The following MICAL1 variants were observed in gnomAD, a reference collection of about 807,000 sequenced individuals.
The protein encoded by MICAL1 is microtubule associated monooxygenase, calponin and LIM domain containing 1, also known as [F-actin]-monooxygenase MICAL1.
Under a neutral mutation model 131.8 loss-of-function variants are expected in MICAL1, and 95 were observed. The ratio of observed to expected loss-of-function variants is 0.72; its 90% CI spans 0.61 to 0.86. The LOEUF (loss-of-function observed/expected upper bound fraction) is 0.86, where lower values mean the gene tolerates loss of function less well. MICAL1 is among the 40% of genes least tolerant of loss of function. The pLI is 0.00. For missense variants in MICAL1, 1,292 were observed against 1,380.6 expected, an observed-to-expected ratio of 0.94 and a Z score of 1.02; for synonymous variants, 546 against 554.2, an observed-to-expected ratio of 0.99 and a Z score of 0.21.
chr6:109,451,934 ACCTGCACCACCT>A, intron 6 of MICAL1: 1 of 1,390,358 alleles, frequency 7.2e-7, no homozygotes, highest in Non-Finnish European at 9.3e-7. Flanking sequence ...CATTTGGGAG[ACCTGCACCACCT>A]GGTCGCATGG....
chr6:109,449,837 A>G, intron 9 of MICAL1, 54 bp from the exon 10 acceptor site: 1 of 1,587,180 alleles, frequency 6.3e-7, no homozygotes, highest in Non-Finnish European at 8.6e-7. Context: ...ACCTGTCAGC[A>G]CCCACCTCTC....
In MICAL1 at chr6:109,455,720, G is replaced by C. The variant is rs1045026939; in HGVS notation, c.-45C>G. Reference sequence around the variant, plus strand: ...AGCCGGCTCCGCTGGACGACTTACCGGCGGCTCCGAAGCCGGGAGGGGCCG... The same window carrying C: ...AGCCGGCTCCGCTGGACGACTTACCCGCGGCTCCGAAGCCGGGAGGGGCCG... On this transcript the variant is annotated splice_region_variant and 5_prime_UTR_variant, in exon 1 of 25. Coordinates refer to ENST00000358807, the MANE Select transcript of MICAL1 (RefSeq NM_022765.4). The surrounding 1 kb of genome is among the most constrained non-coding windows in gnomAD (Gnocchi z 4.7). 8.1e-6 allele frequency: 8 copies of C among 983,980 alleles called. No individual in the cohort carries two copies. In the Admixed American group the frequency reaches 1.9e-4, roughly 23 times the overall value. The allele number at this position is 983,980 out of a possible 1,614,324, so 61.0% of individuals were successfully genotyped here.
In MICAL1 at chr6:109,448,205, G is replaced by A; in HGVS notation, c.1853C>T (p.Pro618Leu). The change falls in exon 13 of 25, where the codon CCA becomes CTA. Residue 618 changes from proline (P) to leucine (L), a missense_variant and splice_region_variant. Physicochemically the swap from Pro to Leu is moderately conservative, Grantham distance 98. Transcript: ENST00000358807. ...TGCCCGCCTTTCCTTCAGGTCACCT[G>A]GGCTGTGGGCCATGCTCTTGAAGGC... The part of the protein sequence containing the change: ...HSAFKSMAHS[P>L]GPVSQASPGT... The A allele has an allele frequency of 1.2e-6, 2 of 1,607,770 alleles. No homozygotes were observed. The highest frequency in any genetic ancestry group is 1.1e-5 in the South Asian group (1 of 90,894).
intron 14 of MICAL1, 67 bp downstream of exon 14, chr6:109,447,808 G>A (rs1203144532): frequency 1.9e-6 from 3 of 1,609,514 alleles, no homozygotes; most frequent in South Asian, 1.1e-5. Context: ...ATCACCCCAG[G>A]ATCTCCACTG....
At position 109,448,776 on chromosome 6, in the gene MICAL1, C is replaced by A; in HGVS notation, c.1620G>T (p.Gly540=). Residue 540 remains glycine, a synonymous_variant, in exon 12 of 25, where the codon GGG becomes GGT. Transcript: ENST00000358807. ...GGTACACCAGGGCACACAGAGCTAG[C>A]CCATCAGCCCAGGAGGAAGACAAAT... ...VSDLSSSWAD[G]LALCALVYRL... The A allele has an allele frequency of 6.2e-7, 1 of 1,614,106 alleles. No homozygotes were observed. Among genetic ancestry groups the A allele is most frequent in the Non-Finnish European group, 8.5e-7 (1 of 1,180,000 alleles).
chr6:109,445,908 C>T lies in MICAL1; in HGVS notation c.2582-46G>A, dbSNP rs1447448104. The T allele has an allele frequency of 5.7e-6, 9 of 1,568,746 alleles. No individual in the cohort carries two copies. In the Admixed American group the frequency reaches 1.5e-4, roughly 26 times the overall value. On this transcript the variant is annotated intron_variant, in intron 19 of 24. Transcript: ENST00000358807. ...GTTCTACTGCCTCCAGCGCCTGCCC[C>T]AGTCAGGCAACAAAGAGCATGGTGG... is the stretch of plus-strand genomic sequence containing the variant.
chr6:109,444,144 G>A lies in MICAL1; in HGVS notation c.*47C>T. ...TGAACAGGGGTGGCACTGTGCTGGG[G>A]TGAGGTGCTTTCTTTGTGGGAACGA... On this transcript the variant is annotated 3_prime_UTR_variant, in exon 25 of 25. Coordinates refer to ENST00000358807, the MANE Select transcript of MICAL1 (RefSeq NM_022765.4). The A allele has an allele frequency of 6.3e-7, 1 of 1,597,174 alleles. No individual in the cohort carries two copies. Among genetic ancestry groups the A allele is most frequent in the Non-Finnish European group, 8.5e-7 (1 of 1,174,486 alleles).
upstream of MICAL1, chr6:109,455,788 C>CGGGGG: frequency 3.3e-6 from 2 of 607,970 alleles, no homozygotes; most frequent in South Asian, 1.7e-4. The surrounding 1 kb of genome is among the most constrained non-coding windows in gnomAD (Gnocchi z 4.7). Flanking sequence ...GGTGGGAGGG[C>CGGGGG]GGGGGCGGGG....
intron 1 of MICAL1, among the ~76,000 whole-genome samples, chr6:109,454,447 A>C (rs1334409269): frequency 6.6e-6 from 1 of 152,164 alleles, no homozygotes; most frequent in Admixed American, 6.5e-5. Context: ...CAAATTTGGA[A>C]GTGAAAAACA....
chr6:109,449,732 GC>G lies in MICAL1; in HGVS notation c.1358del (p.Arg453ProfsTer17), dbSNP rs1357604150. ...LSQTSPENMHRNVAQYGLDPA... is the reference protein window; with the variant it reads ...LSQTSPENMHXNVAQYGLDPA... ...GGTCCAGCCCATACTGGGCCACATT[GC>G]GATGCATGTTTTCTGGGGATGTCTG... On this transcript the variant is annotated frameshift_variant, in exon 10 of 25. Transcript: ENST00000358807. LOFTEE classifies it high-confidence loss of function. 2 of 1,604,988 alleles carry G rather than the reference GC, an allele frequency of 1.2e-6. No individual in the cohort carries two copies. The highest frequency in any genetic ancestry group is 1.7e-6 in the Non-Finnish European group (2 of 1,175,520).
chr6:109,458,873 G>C (rs140353180), upstream of MICAL1, among the ~76,000 whole-genome samples: 1 of 152,336 alleles, frequency 6.6e-6, no homozygotes, highest in African/African-American at 2.4e-5. Flanking sequence ...TGTGGCTGCA[G>C]TATAGCCAGA....
At chr6:109,461,679 T>C (rs988610603) in intron 1 of MICAL1, among the ~76,000 whole-genome samples, 3 of 152,136 alleles carry the variant, frequency 2.0e-5, no homozygotes, top group African/African-American at 7.2e-5. Context: ...ATTAGTAAGT[T>C]CTTATTAAAT....
At position 109,450,341 on chromosome 6, in the gene MICAL1, C is replaced by T. The variant is rs1258399774; in HGVS notation, c.1150G>A (p.Ala384Thr). 3.7e-6 allele frequency: 6 copies of T among 1,610,350 alleles called. No homozygotes were observed. Among genetic ancestry groups the T allele is most frequent in the South Asian group, 1.1e-5 (1 of 91,030 alleles). ...CCCACCAGTCCCAGCAGCAGGCGGG[C>T]GCCATGCTTCTCTTGCACACGAGCA... ...SSARVQEKHG[A>T]RLLLGLVGDC... is the part of the protein sequence containing the mutation. Residue 384 changes from alanine (A) to threonine (T), a missense_variant, in exon 8 of 25, where the codon GCC becomes ACC. By Grantham distance (58) the Ala-to-Thr change is moderately conservative. Coordinates refer to ENST00000358807, the MANE Select transcript of MICAL1 (RefSeq NM_022765.4).
Position 109,453,301 on chromosome 6 carries a change from C to A in MICAL1, c.533G>T (p.Gly178Val), listed in dbSNP as rs745840649. 5 of 1,614,070 alleles carry A rather than the reference C, an allele frequency of 3.1e-6. No homozygotes were observed. The South Asian group carries it at 5.5e-5, about 18-fold the overall frequency. The change falls in exon 4 of 25, where the codon GGT becomes GTT. Residue 178 changes from glycine (G) to valine (V), a missense_variant. Gly to Val is a moderately radical substitution (Grantham distance 109). Transcript: ENST00000358807. ...ALLLGVEIHW[G>V]VTFTGLQPPP... is the part of the protein sequence containing the mutation. ...GGGCTGGAGGCCAGTGAAAGTGACA[C>A]CCCAGTGAATTTCCACCCCCAGCAG... is the stretch of plus-strand genomic sequence containing the variant.
chr6:109,458,294 T>C (rs1263006514), upstream of MICAL1, among the ~76,000 whole-genome samples: 1 of 151,814 alleles, frequency 6.6e-6, no homozygotes, highest in African/African-American at 2.4e-5. Flanking sequence ...ATGAAGTCAG[T>C]TTAAAGAGTC....
At chr6:109,452,475 G>T in intron 5 of MICAL1, 36 bp downstream of exon 5, 1 of 1,612,096 alleles carries the variant, frequency 6.2e-7, no homozygotes, top group South Asian at 1.1e-5. Flanking sequence ...GGATGTGCCA[G>T]AGATGCTGGC....
intron 21 of MICAL1, 62 bp downstream of exon 21, chr6:109,445,354 A>G (rs1426511228): frequency 6.2e-7 from 1 of 1,611,110 alleles, no homozygotes; most frequent in Non-Finnish European, 8.5e-7. Flanking sequence ...GCACTGGAGG[A>G]ACTCTGATCT....
At chr6:109,465,088 TG>T (rs1776001217) in intron 1 of MICAL1, 1 of 152,320 alleles carries the variant, frequency 6.6e-6, no homozygotes, top group Non-Finnish European at 1.5e-5. Flanking sequence ...GATCCAATTT[TG>T]TATTTTAAAC....
Position 109,448,207 on chromosome 6 carries a change from G to GCT in MICAL1, c.1849_1850dup (p.Ser617ArgfsTer67). On this transcript the variant is annotated frameshift_variant, in exon 13 of 25. Coordinates refer to ENST00000358807, the MANE Select transcript of MICAL1 (RefSeq NM_022765.4). LOFTEE classifies it high-confidence loss of function. ...CCCGCCTTTCCTTCAGGTCACCTGG[G>GCT]CTGTGGGCCATGCTCTTGAAGGCAC... The GCT allele has an allele frequency of 6.2e-7, 1 of 1,609,104 alleles. No homozygotes were observed. Among genetic ancestry groups the GCT allele is most frequent in the Non-Finnish European group, 8.5e-7 (1 of 1,179,254 alleles).
Sources: allele counts gnomAD v4.1 joint callset (sites outside exome capture counted in the v4.1 genomes callset), GRCh38; gene constraint gnomAD v4.1.1; non-coding constraint Gnocchi (gnomAD v3.1); transcripts MANE v1.5; gene names NCBI Gene and HGNC (gene_info 2026-07-23, HGNC 2026-07-21).